Variants in MECOM observed in about 807,000 individuals in gnomAD.
MECOM encodes the protein histone-lysine N-methyltransferase MECOM.
Under a neutral mutation model 116.3 loss-of-function variants are expected in MECOM, and 13 were observed. The observed-to-expected ratio is 0.11, with a 90% CI of 0.07 to 0.18. MECOM has a LOEUF of 0.18. Ranked by LOEUF, MECOM falls within the 10% of genes least tolerant of loss-of-function variation. The pLI is 1.00. For synonymous variants in MECOM, 528 were observed against 535.2 expected, an observed-to-expected ratio of 0.99 and a Z score of 0.19; for missense variants, 1,299 against 1,509.0, an observed-to-expected ratio of 0.86 and a Z score of 2.31.
At chr3:169,542,426 G>A (rs1462113686) in intron 1 of MECOM, among the ~76,000 whole-genome samples, 18 of 152,058 alleles carry the variant, frequency 1.2e-4, no homozygotes, top group Admixed American at 1.2e-3. Flanking sequence ...ACAATGCCCT[G>A]GGGATTTAGT....
intron 1 of MECOM, among the ~76,000 whole-genome samples, chr3:169,506,461 G>A (rs1485351570): frequency 8.0e-6 from 1 of 125,036 alleles, no homozygotes; most frequent in African/African-American, 3.1e-5. Flanking sequence ...TCTGAGGTGA[G>A]TACTCTTTTT....
At chr3:169,622,163 C>G (rs1352542258) in intron 1 of MECOM, among the ~76,000 whole-genome samples, 1 of 152,146 alleles carries the variant, frequency 6.6e-6, no homozygotes, top group Non-Finnish European at 1.5e-5. Context: ...GATCTCGGCT[C>G]ATTGCAACCT....
chr3:169,508,859 GA>G (rs1755615307), intron 1 of MECOM, among the ~76,000 whole-genome samples: 2 of 152,050 alleles, frequency 1.3e-5, no homozygotes, highest in South Asian at 4.1e-4. Context: ...TAACCCAGTG[GA>G]AAAATTCAAT....
chr3:169,229,573 GA>G (rs1482141505), intron 2 of MECOM, among the ~76,000 whole-genome samples: 1 of 152,138 alleles, frequency 6.6e-6, no homozygotes, highest in African/African-American at 2.4e-5. Context: ...TGAGCTGAAT[GA>G]GGTCTGGATT....
intron 1 of MECOM, among the ~76,000 whole-genome samples, chr3:169,387,162 A>C (rs1055897117): frequency 6.6e-6 from 1 of 152,178 alleles, no homozygotes; most frequent in Non-Finnish European, 1.5e-5. Flanking sequence ...TACCTACAGA[A>C]GGGAAAAAAA....
chr3:169,156,551 T>C (rs1742016538), intron 2 of MECOM, among the ~76,000 whole-genome samples: 1 of 152,172 alleles, frequency 6.6e-6, no homozygotes, highest in Non-Finnish European at 1.5e-5. Flanking sequence ...TCTATAAAGA[T>C]CACAAAGAAA....
chr3:169,306,926 C>T (rs543957478), intron 2 of MECOM, among the ~76,000 whole-genome samples: 15 of 152,284 alleles, frequency 9.9e-5, no homozygotes, highest in African/African-American at 3.6e-4. Flanking sequence ...AAGTTGATGA[C>T]TCCCAAACTC....
chr3:169,255,089 A>T (rs528083028), intron 2 of MECOM, among the ~76,000 whole-genome samples: 1 of 152,342 alleles, frequency 6.6e-6, no homozygotes, highest in South Asian at 2.1e-4. Flanking sequence ...TCAGGTTTAG[A>T]TAATTTGCCC....
intron 2 of MECOM, among the ~76,000 whole-genome samples, chr3:169,181,697 G>C (rs1166545566): frequency 3.3e-5 from 5 of 152,172 alleles, no homozygotes; most frequent in African/African-American, 9.7e-5. Context: ...GTGACAGTGT[G>C]ACCCAGAGGT....
chr3:169,083,796 T>C lies in MECOM; in HGVS notation c.*1113A>G, dbSNP rs926634519. The C allele has an allele frequency of 4.7e-6, 1 of 211,392 alleles. No individual in the cohort carries two copies. 13.1% of individuals were successfully genotyped at this position (211,392 alleles called of 1,614,324 possible). A position where few individuals can be genotyped will look rare whatever the true frequency, so the allele number is the denominator to read the frequency against. ...CGCACAAGCTTGCAGACAACCAGCA[T>C]AAAATATGGAGTACAGTTTTTAATC... On this transcript the variant is annotated 3_prime_UTR_variant, in exon 17 of 17. Transcript: ENST00000651503.
intron 2 of MECOM, among the ~76,000 whole-genome samples, chr3:169,169,563 T>G (rs1744098142): frequency 6.6e-6 from 1 of 152,140 alleles, no homozygotes; most frequent in South Asian, 2.1e-4. Flanking sequence ...ATATTGACAT[T>G]TTTTCTCACT....
chr3:169,134,307 G>C (rs529877396), intron 3 of MECOM, among the ~76,000 whole-genome samples: 1 of 152,254 alleles, frequency 6.6e-6, no homozygotes, highest in African/African-American at 2.4e-5. Context: ...TTCCCTTTAA[G>C]AGTCCAGATT....
intron 2 of MECOM, among the ~76,000 whole-genome samples, chr3:169,357,632 C>T (rs530055710): frequency 1.2e-4 from 18 of 151,760 alleles, no homozygotes; most frequent in Non-Finnish European, 2.4e-4. Flanking sequence ...TTCCCACCTG[C>T]ATCCTCAAAA....
At chr3:169,596,935 C>T (rs1767215897) in intron 1 of MECOM, among the ~76,000 whole-genome samples, 1 of 151,946 alleles carries the variant, frequency 6.6e-6, no homozygotes, top group Non-Finnish European at 1.5e-5. Flanking sequence ...TAGAGTGTAT[C>T]AAATCTTGCT....
intron 1 of MECOM, among the ~76,000 whole-genome samples, chr3:169,417,700 A>C (rs545207493): frequency 0.067 from 10,248 of 151,852 alleles, 484 homozygotes; most frequent in Middle Eastern, 0.12. Context: ...AAAGACTTGG[A>C]ACCAACCCAA....
At chr3:169,326,559 G>A (rs1721858347) in intron 2 of MECOM, among the ~76,000 whole-genome samples, 1 of 152,154 alleles carries the variant, frequency 6.6e-6, no homozygotes, top group Non-Finnish European at 1.5e-5. Context: ...GTCAGTACTA[G>A]TTGAATGGTC....
chr3:169,205,497 G>A (rs1749799518), intron 2 of MECOM, among the ~76,000 whole-genome samples: 1 of 152,086 alleles, frequency 6.6e-6, no homozygotes, highest in Non-Finnish European at 1.5e-5. Context: ...GTTAAGACAA[G>A]GCTTTCCTTT....
Position 169,232,929 on chromosome 3 carries a change from G to A in MECOM, c.376-89097C>T, listed in dbSNP as rs143861722. Among the ~76,000 whole-genome samples the A allele has an allele frequency of 5.3e-5, 8 of 152,062 alleles. No homozygotes were observed. In the East Asian group the frequency reaches 1.5e-3, roughly 29 times the overall value. On this transcript the variant is annotated intron_variant, in intron 2 of 16. Transcript: ENST00000651503. ...CTTGAAAATGGCATCTCAGCCTCTT[G>A]TCACCTCATGTTCTCTTCCAGACCA...
At chr3:169,224,359 T>A (rs1478735385) in intron 2 of MECOM, among the ~76,000 whole-genome samples, 2 of 152,092 alleles carry the variant, frequency 1.3e-5, no homozygotes, top group Admixed American at 1.3e-4. Context: ...CAAGAAGAAG[T>A]CTTGATTAAG....
Sources: allele counts gnomAD v4.1 joint callset (sites outside exome capture counted in the v4.1 genomes callset), GRCh38; gene constraint gnomAD v4.1.1; transcripts MANE v1.5; gene names NCBI Gene and HGNC (gene_info 2026-07-23, HGNC 2026-07-21).